The following PPP1R9A variants were observed in gnomAD, a reference collection of about 807,000 sequenced individuals.
PPP1R9A encodes the protein neurabin-1.
In PPP1R9A, 59 loss-of-function variants were observed where a neutral mutation model predicts 141.9. The observed-to-expected ratio is 0.42, with a 90% confidence interval of 0.34 to 0.52. The LOEUF is 0.52. PPP1R9A is among the 20% of genes least tolerant of loss of function. PPP1R9A has a pLI of 0.10. For missense variants in PPP1R9A, 1,444 were observed against 1,611.9 expected (o/e 0.90, Z 1.78); for synonymous variants, 500 against 569.7 (o/e 0.88, Z 1.74).
At chr7:94,990,460 A>T (rs1319759562) in intron 2 of PPP1R9A, among the ~76,000 whole-genome samples, 1 of 152,060 alleles carries the variant, frequency 6.6e-6, no homozygotes, top group Non-Finnish European at 1.5e-5. Context: ...ACTGACACGT[A>T]ATAATTGTGT....
intron 3 of PPP1R9A, among the ~76,000 whole-genome samples, chr7:95,119,306 G>A (rs946639178): frequency 1.3e-5 from 2 of 151,624 alleles, no homozygotes; most frequent in African/African-American, 2.4e-5. Context: ...AAAAAAAAAA[G>A]TCACACAGTA....
At chr7:95,067,369 G>A (rs1371070128) in intron 2 of PPP1R9A, among the ~76,000 whole-genome samples, 1 of 152,208 alleles carries the variant, frequency 6.6e-6, no homozygotes, top group Non-Finnish European at 1.5e-5. Flanking sequence ...CTCCAGGACA[G>A]TGTCTAAGGA....
chr7:95,128,474 T>G (rs1218432180), intron 4 of PPP1R9A, among the ~76,000 whole-genome samples: 1 of 152,236 alleles, frequency 6.6e-6, no homozygotes, highest in Non-Finnish European at 1.5e-5. Flanking sequence ...GTCTGTTTAC[T>G]CTGTTGATAA....
intron 2 of PPP1R9A, among the ~76,000 whole-genome samples, chr7:95,074,629 C>G (rs1315382022): frequency 6.6e-6 from 1 of 151,974 alleles, no homozygotes; most frequent in Non-Finnish European, 1.5e-5. Context: ...CATGCGCCAC[C>G]ACGCCCAGCT....
At chr7:95,166,306 C>G (rs1009010386) in intron 5 of PPP1R9A, among the ~76,000 whole-genome samples, 14 of 152,088 alleles carry the variant, frequency 9.2e-5, no homozygotes, top group African/African-American at 2.4e-4. Context: ...GAAAGTGTCA[C>G]TAGCTGCTTT....
intron 2 of PPP1R9A, among the ~76,000 whole-genome samples, chr7:95,087,052 T>TA (rs960039468): frequency 4.1e-5 from 6 of 146,062 alleles, no homozygotes; most frequent in Non-Finnish European, 7.4e-5. Context: ...ATGGATTTTC[T>TA]AAAAAAAAGA....
At chr7:95,017,430 G>A (rs1805254037) in intron 2 of PPP1R9A, among the ~76,000 whole-genome samples, 1 of 152,094 alleles carries the variant, frequency 6.6e-6, no homozygotes, top group South Asian at 2.1e-4. Flanking sequence ...TAAAATTGGT[G>A]CATTCATTTA....
chr7:94,925,275 C>G (rs1793334796), intron 2 of PPP1R9A, among the ~76,000 whole-genome samples: 2 of 151,998 alleles, frequency 1.3e-5, no homozygotes, highest in Non-Finnish European at 2.9e-5. Flanking sequence ...TGAGGCCCAC[C>G]CACATTATGG....
chr7:94,966,036 A>G (rs1798174641), intron 2 of PPP1R9A, among the ~76,000 whole-genome samples: 1 of 152,098 alleles, frequency 6.6e-6, no homozygotes, highest in Admixed American at 6.5e-5. Flanking sequence ...GGTCCTTCAC[A>G]TTCCTTTAAG....
intron 16 of PPP1R9A, among the ~76,000 whole-genome samples, chr7:95,278,807 G>C (rs937941926): frequency 2.6e-5 from 4 of 152,110 alleles, no homozygotes; most frequent in Admixed American, 1.3e-4. Context: ...AAAACACAAT[G>C]TCAATATGGT....
chr7:95,054,264 C>T (rs1029054050), intron 2 of PPP1R9A, among the ~76,000 whole-genome samples: 1 of 151,194 alleles, frequency 6.6e-6, no homozygotes, highest in African/African-American at 2.4e-5. Flanking sequence ...TACAGGCGCC[C>T]ACCACCACGC....
intron 2 of PPP1R9A, among the ~76,000 whole-genome samples, chr7:94,973,449 A>G (rs1298841080): frequency 2.0e-5 from 3 of 152,132 alleles, no homozygotes; most frequent in Non-Finnish European, 4.4e-5. Context: ...ATAGATGGAT[A>G]AGAAAAAAAG....
intron 2 of PPP1R9A, among the ~76,000 whole-genome samples, chr7:95,013,889 T>C (rs1311262969): frequency 6.6e-6 from 1 of 152,142 alleles, no homozygotes; most frequent in Non-Finnish European, 1.5e-5. Flanking sequence ...TAAAGAAAGA[T>C]TGTAGAAAGA....
intron 5 of PPP1R9A, among the ~76,000 whole-genome samples, chr7:95,174,465 C>G (rs928580680): frequency 6.6e-6 from 1 of 151,994 alleles, no homozygotes; most frequent in East Asian, 1.9e-4. Context: ...ATACATTTAT[C>G]GAAACTCCTC....
intron 2 of PPP1R9A, among the ~76,000 whole-genome samples, chr7:95,060,764 G>T (rs974585353): frequency 6.6e-6 from 1 of 152,290 alleles, no homozygotes; most frequent in South Asian, 2.1e-4. Context: ...AGTATGACCT[G>T]ATTGGCTATA....
In PPP1R9A at chr7:95,078,462, G is replaced by A. The variant is rs1367113923; in HGVS notation, c.1396-32797G>A. Among the ~76,000 whole-genome samples, 5 of 151,896 alleles carry A rather than the reference G, an allele frequency of 3.3e-5. No individual in the cohort carries two copies. In the South Asian group the frequency reaches 1.0e-3, roughly 32 times the overall value. ...ACATACGTGTGCATGTGTCTTTATA[G>A]CAGCATTATTTATAGTCCTTTGGGT... On this transcript the variant is annotated intron_variant, in intron 2 of 19. Coordinates refer to ENST00000433360, the MANE Select transcript of PPP1R9A (RefSeq NM_001166160.2).
Position 95,198,345 on chromosome 7 carries a change from A to G in PPP1R9A, c.1755-4A>G, listed in dbSNP as rs765393231. 7.5e-6 allele frequency: 12 copies of G among 1,596,834 alleles called. No homozygotes were observed. The highest frequency in any genetic ancestry group is 9.4e-6 in the Non-Finnish European group (11 of 1,174,430). On this transcript the variant is annotated splice_region_variant and splice_polypyrimidine_tract_variant and intron_variant, in intron 5 of 19. Transcript: ENST00000433360. ...AATATTAGTCTTTGTTAACCTTTCC[A>G]CAGATTTGTTATTGGGCGGGAAAAA...
At position 95,115,562 on chromosome 7, in the gene PPP1R9A, A is replaced by G. The variant is rs1821332848; in HGVS notation, c.1528+4171A>G. Among the ~76,000 whole-genome samples the G allele has an allele frequency of 6.6e-5, 10 of 152,310 alleles. 1 individual carries two copies. The South Asian group carries it at 2.1e-3, about 32-fold the overall frequency. On this transcript the variant is annotated intron_variant, in intron 3 of 19. Coordinates refer to ENST00000433360, the MANE Select transcript of PPP1R9A (RefSeq NM_001166160.2). Reference sequence around the variant, plus strand: ...CTACAAAAAAGATTGCTATAATACAACTACAATTGTGAATATATATTTTAA... The same window carrying G: ...CTACAAAAAAGATTGCTATAATACAGCTACAATTGTGAATATATATTTTAA...
chr7:95,062,602 G>A (rs1812385836), intron 2 of PPP1R9A, among the ~76,000 whole-genome samples: 1 of 151,832 alleles, frequency 6.6e-6, no homozygotes, highest in African/African-American at 2.4e-5. Flanking sequence ...TGGCCAGGCT[G>A]GTCTTGAACT....
Sources: gnomAD v4.1 joint callset for allele counts (sites outside exome capture counted in the v4.1 genomes callset) on GRCh38, gnomAD v4.1.1 for gene constraint, MANE v1.5 for transcripts, NCBI Gene and HGNC (gene_info 2026-07-23, HGNC 2026-07-21) for gene names.